The following WWOX variants were observed in gnomAD, a reference collection of about 807,000 sequenced individuals.
The protein encoded by WWOX is WW domain-containing oxidoreductase.
WWOX carries 69 observed loss-of-function variants against 46.2 expected under a neutral mutation model. The ratio of observed to expected loss-of-function variants is 1.49; its 90% CI spans 1.23 to 1.82. The LOEUF (loss-of-function observed/expected upper bound fraction) is 1.82. Ranked by LOEUF, WWOX falls within the 40% of genes most tolerant of loss-of-function variation. The pLI is 0.00. For synonymous variants in WWOX, 359 were observed against 202.6 expected (o/e 1.77, Z -6.56); for missense variants, 919 against 542.6 (o/e 1.69, Z -6.89).
At chr16:78,751,901 G>C in intron 8 of WWOX, among the ~76,000 whole-genome samples, 1 of 152,082 alleles carries the variant, frequency 6.6e-6, no homozygotes, top group East Asian at 1.9e-4. Flanking sequence ...AGGCAGAGTG[G>C]TCACCCAGAT....
chr16:78,808,677 C>T (rs903686474), intron 8 of WWOX, among the ~76,000 whole-genome samples: 1 of 152,158 alleles, frequency 6.6e-6, no homozygotes, highest in Non-Finnish European at 1.5e-5. Context: ...ATCAGCTAAG[C>T]ATTTATTTCA....
At chr16:79,039,437 CA>C (rs1298083062) in intron 8 of WWOX, among the ~76,000 whole-genome samples, 1 of 152,168 alleles carries the variant, frequency 6.6e-6, no homozygotes, top group Non-Finnish European at 1.5e-5. Context: ...ACAGGAGGAG[CA>C]GCTTCCTCCT....
intron 5 of WWOX, among the ~76,000 whole-genome samples, chr16:78,307,333 G>A (rs564386905): frequency 6.6e-6 from 1 of 152,286 alleles, no homozygotes; most frequent in South Asian, 2.1e-4. Context: ...GGCAAAAAGG[G>A]ACTTTGGAGA....
At chr16:78,931,398 G>A (rs1360288111) in intron 8 of WWOX, among the ~76,000 whole-genome samples, 3 of 152,210 alleles carry the variant, frequency 2.0e-5, no homozygotes, top group Admixed American at 2.0e-4. Context: ...GAAGAATGAT[G>A]GAGGGAGAAT....
At chr16:79,095,924 A>ACTGCAACCTC (rs2049059902) in intron 8 of WWOX, among the ~76,000 whole-genome samples, 2 of 134,078 alleles carry the variant, frequency 1.5e-5, no homozygotes, top group East Asian at 4.3e-4. Context: ...GATCTAGCTC[A>ACTGCAACCTC]CTGCAACCTC....
intron 8 of WWOX, among the ~76,000 whole-genome samples, chr16:79,003,535 TC>T (rs2047135062): frequency 6.6e-6 from 1 of 152,130 alleles, no homozygotes; most frequent in African/African-American, 2.4e-5. Flanking sequence ...GCTGGTTGAG[TC>T]TCCTCTTGCA....
At chr16:78,596,873 C>T (rs1255230494) in intron 8 of WWOX, among the ~76,000 whole-genome samples, 4 of 152,102 alleles carry the variant, frequency 2.6e-5, no homozygotes, top group African/African-American at 7.2e-5. Flanking sequence ...TTGGAGATCA[C>T]ACACACACAA....
intron 5 of WWOX, among the ~76,000 whole-genome samples, chr16:78,331,496 C>G (rs2080758001): frequency 6.6e-6 from 1 of 152,164 alleles, no homozygotes; most frequent in Non-Finnish European, 1.5e-5. Context: ...CGTAATATAG[C>G]TAGTTTTTGT....
At position 79,112,942 on chromosome 16, in the gene WWOX, C is replaced by T. The variant is rs150693965; in HGVS notation, c.1057-98666C>T. ...CACAGCTGAAAACCACTTTTGCTCT[C>T]TGCTGGCATAGATGGCTGTGCTTTG... On this transcript the variant is annotated intron_variant, in intron 8 of 8. Coordinates refer to ENST00000566780, the MANE Select transcript of WWOX (RefSeq NM_016373.4). Among the ~76,000 whole-genome samples, 13 of 152,306 alleles carry T rather than the reference C, an allele frequency of 8.5e-5. No individual in the cohort carries two copies. In the East Asian group the frequency reaches 2.1e-3, roughly 25 times the overall value.
Position 78,702,959 on chromosome 16 carries a change from C to T in WWOX, c.1056+270207C>T, listed in dbSNP as rs544529804. 4.6e-5 allele frequency among the ~76,000 whole-genome samples: 7 copies of T among 152,312 alleles called. No homozygotes were observed. In the South Asian group the frequency reaches 1.0e-3, roughly 23 times the overall value. ...CTCCTCCTTTTCCAGAACTCCCACA[C>T]TTGCTCTTGTAGATCATCATAGGAT... On this transcript the variant is annotated intron_variant, in intron 8 of 8. Coordinates refer to ENST00000566780, the MANE Select transcript of WWOX (RefSeq NM_016373.4).
At chr16:78,783,527 G>T (rs1567556794) in intron 8 of WWOX, among the ~76,000 whole-genome samples, 1 of 152,232 alleles carries the variant, frequency 6.6e-6, no homozygotes, top group Non-Finnish European at 1.5e-5. Context: ...AGAGCTGGGA[G>T]AGGCCAGAAT....
Position 78,405,809 on chromosome 16 carries a change from C to T in WWOX, c.605+18861C>T, listed in dbSNP as rs577848869. On this transcript the variant is annotated intron_variant, in intron 6 of 8. Transcript: ENST00000566780. ...GCATTATCATTCCCTTTATAGGGGA[C>T]ACAGCTGTGGCTCAGAGGGGTTTAT... 3.3e-5 allele frequency among the ~76,000 whole-genome samples: 5 copies of T among 152,168 alleles called. No individual in the cohort carries two copies. The East Asian group carries it at 9.7e-4, about 29-fold the overall frequency.
intron 5 of WWOX, among the ~76,000 whole-genome samples, chr16:78,231,987 TA>T (rs2037283260): frequency 1.3e-5 from 2 of 152,218 alleles, no homozygotes; most frequent in South Asian, 4.1e-4. Flanking sequence ...TTAAGCCCTT[TA>T]CTAAGTTCCA....
At chr16:78,455,726 C>T (rs1452587395) in intron 8 of WWOX, among the ~76,000 whole-genome samples, 2 of 135,380 alleles carry the variant, frequency 1.5e-5, no homozygotes, top group African/African-American at 2.7e-5. Context: ...AAGACAAATT[C>T]AATATTATAG....
chr16:78,717,957 A>G (rs369253931), intron 8 of WWOX, among the ~76,000 whole-genome samples: 33 of 150,430 alleles, frequency 2.2e-4, no homozygotes, highest in African/African-American at 8.1e-4. Flanking sequence ...CACTTTTACT[A>G]CAGTTACTTT....
At chr16:78,612,249 C>A in intron 8 of WWOX, among the ~76,000 whole-genome samples, 1 of 152,122 alleles carries the variant, frequency 6.6e-6, no homozygotes, top group East Asian at 1.9e-4. Context: ...ATTGCAAGGG[C>A]CCTTGAAGGT....
intron 8 of WWOX, among the ~76,000 whole-genome samples, chr16:78,574,704 G>A (rs912747096): frequency 2.0e-5 from 3 of 151,596 alleles, no homozygotes; most frequent in Non-Finnish European, 4.4e-5. Flanking sequence ...GACACAGACA[G>A]ACAAAGACAT....
At chr16:78,756,917 C>T in intron 8 of WWOX, 1 of 703,054 alleles carries the variant, frequency 1.4e-6, no homozygotes, top group Non-Finnish European at 2.6e-6. Flanking sequence ...TTCTGCCTTA[C>T]TGATGTGGAT....
At chr16:79,009,577 C>G (rs535927219) in intron 8 of WWOX, among the ~76,000 whole-genome samples, 18 of 152,198 alleles carry the variant, frequency 1.2e-4, no homozygotes, top group African/African-American at 3.9e-4. Context: ...AAGCGATTCT[C>G]CTGCCTCAGC....
Sources: allele counts gnomAD v4.1 joint callset (sites outside exome capture counted in the v4.1 genomes callset), GRCh38; gene constraint gnomAD v4.1.1; transcripts MANE v1.5; gene names NCBI Gene and HGNC (gene_info 2026-07-23, HGNC 2026-07-21).